Variants in PLXNA4 observed in about 807,000 individuals in gnomAD.
PLXNA4 encodes the protein plexin-A4.
A neutral mutation model predicts 191.8 loss-of-function variants in PLXNA4; 44 were observed. The ratio of observed to expected loss-of-function variants is 0.23; its 90% CI spans 0.18 to 0.29. The LOEUF (loss-of-function observed/expected upper bound fraction) is 0.29. PLXNA4 is among the 10% of genes least tolerant of loss of function. The pLI is 1.00. For synonymous variants in PLXNA4, 1,082 were observed against 1,009.5 expected, an observed-to-expected ratio of 1.07 and a Z score of -1.36; for missense variants, 1,800 against 2,488.8, an observed-to-expected ratio of 0.72 and a Z score of 5.89.
rs531099216 is a variant in PLXNA4 at position 132,489,354 on chromosome 7, C to T, written c.1309G>A (p.Ala437Thr). 18 of 1,605,798 alleles carry T rather than the reference C, an allele frequency of 1.1e-5. No individual in the cohort carries two copies. Among genetic ancestry groups the T allele is most frequent in the Admixed American group, 6.7e-5 (4 of 59,902 alleles). ...AGAGAGTGGTTCTTGTAGACATATG[C>T]GATGACAGACGTCATGCGGTCCCTG... Reference protein sequence around the residue: ...EDRDRMTSVIAYVYKNHSLAF... With the variant: ...EDRDRMTSVITYVYKNHSLAF... Residue 437 changes from alanine to threonine, a missense_variant, in exon 3 of 32, where the codon GCA becomes ACA. Around this residue, in one of 6 missense-constraint regions of PLXNA4, gnomAD observed 1,397 missense variants for 1,880.4 expected, o/e 0.74. Coordinates refer to ENST00000321063, the MANE Select transcript of PLXNA4 (RefSeq NM_020911.2).
intron 10 of PLXNA4, among the ~76,000 whole-genome samples, chr7:132,209,867 T>C (rs1327617278): frequency 6.6e-6 from 1 of 152,172 alleles, no homozygotes; most frequent in Non-Finnish European, 1.5e-5. Flanking sequence ...CCTCTGCCAC[T>C]CACTAGTTGT....
In PLXNA4 at chr7:132,227,463, T is replaced by C; in HGVS notation, c.1870A>G (p.Ile624Val). The part of the protein sequence containing the change: ...SPAAKEVPRI[I>V]TENGDHHVVQ... Reference sequence around the variant, plus strand: ...CCGGGATGCTCACCATTCTCTGTGATGATCCGGGGCACCTCCTTGGCTGCA... The same window carrying C: ...CCGGGATGCTCACCATTCTCTGTGACGATCCGGGGCACCTCCTTGGCTGCA... The change falls in exon 7 of 32, where the codon ATC becomes GTC. Residue 624 changes from isoleucine to valine, a missense_variant. Physicochemically the swap from Ile to Val is conservative, Grantham distance 29 (BLOSUM62 3). This residue lies in a region of PLXNA4 where 1,397 missense variants were observed against 1,880.4 expected (regional missense o/e 0.74). Transcript: ENST00000321063. The C allele has an allele frequency of 6.2e-7, 1 of 1,614,214 alleles. No homozygotes were observed. The highest frequency in any genetic ancestry group is 8.5e-7 in the Non-Finnish European group (1 of 1,180,036).
At chr7:132,629,919 C>T (rs904622687) in intron 2 of PLXNA4, among the ~76,000 whole-genome samples, 7 of 151,812 alleles carry the variant, frequency 4.6e-5, no homozygotes, top group Middle Eastern at 3.2e-3. Flanking sequence ...GCGCAATCTC[C>T]GCTCACTGCA....
intron 4 of PLXNA4, among the ~76,000 whole-genome samples, chr7:132,272,432 C>A (rs964769871): frequency 2.6e-5 from 4 of 152,176 alleles, no homozygotes; most frequent in African/African-American, 9.7e-5. Context: ...CAGTGGATCA[C>A]AAAAACTTCT....
At chr7:132,186,145 T>C (rs1796871729) in intron 15 of PLXNA4, among the ~76,000 whole-genome samples, 1 of 152,120 alleles carries the variant, frequency 6.6e-6, no homozygotes, top group African/African-American at 2.4e-5. Context: ...TGAGGGAGCT[T>C]CTCCAGCCAC....
intron 25 of PLXNA4, among the ~76,000 whole-genome samples, chr7:132,153,895 C>T (rs533767027): frequency 1.3e-5 from 2 of 152,144 alleles, no homozygotes; most frequent in African/African-American, 4.8e-5. Context: ...TTTGCAATAA[C>T]CCCACTTCCA....
chr7:132,310,974 C>T (rs932071666), intron 3 of PLXNA4, among the ~76,000 whole-genome samples: 2 of 152,164 alleles, frequency 1.3e-5, no homozygotes, highest in African/African-American at 4.8e-5. Context: ...CACTCCTCAT[C>T]CCCTTGGGAA....
intron 2 of PLXNA4, among the ~76,000 whole-genome samples, chr7:132,498,724 C>T (rs1798129855): frequency 6.6e-6 from 1 of 152,106 alleles, no homozygotes; most frequent in South Asian, 2.1e-4. Flanking sequence ...TATCATATGG[C>T]CCCAGTTCTC....
chr7:132,275,198 T>C lies in PLXNA4; in HGVS notation c.1503+22893A>G, dbSNP rs140421386. On this transcript the variant is annotated intron_variant, in intron 4 of 31. Coordinates refer to ENST00000321063, the MANE Select transcript of PLXNA4 (RefSeq NM_020911.2). ...TTTCTTCCACATTTAAAAATCTTGA[T>C]TTTGTCTTCTAATTGTTTAAAATCT... Among the ~76,000 whole-genome samples the C allele has an allele frequency of 7.1e-3, 1,077 of 152,294 alleles. 13 individuals carry two copies. The highest frequency in any genetic ancestry group is 0.025 in the African/African-American group (1,021 of 41,552).
chr7:132,586,705 A>G (rs1802512050), intron 2 of PLXNA4, among the ~76,000 whole-genome samples: 1 of 152,214 alleles, frequency 6.6e-6, no homozygotes, highest in African/African-American at 2.4e-5. Context: ...GTGAGCCGAG[A>G]TGGTGCCACT....
intron 26 of PLXNA4, 88 bp downstream of exon 26, chr7:132,148,455 G>C: frequency 1.3e-6 from 2 of 1,559,252 alleles, no homozygotes; most frequent in South Asian, 1.2e-5. Flanking sequence ...GAGGGGCTTG[G>C]TGTCTACCCC....
chr7:132,503,171 T>G (rs555457650), intron 2 of PLXNA4, among the ~76,000 whole-genome samples: 1 of 152,296 alleles, frequency 6.6e-6, no homozygotes, highest in Admixed American at 6.5e-5. Context: ...CAGCCATTGT[T>G]CCCATCACCC....
chr7:132,363,948 G>A (rs1804052143), intron 3 of PLXNA4, among the ~76,000 whole-genome samples: 1 of 152,280 alleles, frequency 6.6e-6, no homozygotes, highest in Admixed American at 6.5e-5. Flanking sequence ...CCAGGCTGTG[G>A]CTGGCAGGCT....
chr7:132,474,810 T>C (rs1448322620), intron 3 of PLXNA4, among the ~76,000 whole-genome samples: 3 of 152,302 alleles, frequency 2.0e-5, no homozygotes, highest in Non-Finnish European at 2.9e-5. Flanking sequence ...CTGAAGACTC[T>C]TCTTAGAAGT....
At chr7:132,406,942 G>A (rs972928283) in intron 3 of PLXNA4, among the ~76,000 whole-genome samples, 3 of 151,880 alleles carry the variant, frequency 2.0e-5, no homozygotes, top group Non-Finnish European at 4.4e-5. Context: ...AACTTTCTAG[G>A]CCTCATTTAC....
chr7:132,207,470 T>C (rs554361714), intron 10 of PLXNA4, among the ~76,000 whole-genome samples: 23 of 152,284 alleles, frequency 1.5e-4, no homozygotes, highest in Non-Finnish European at 2.9e-4. Context: ...TCCTAGAGCA[T>C]TGGTCTAAAG....
chr7:132,140,185 G>A (rs750392963), intron 30 of PLXNA4, among the ~76,000 whole-genome samples: 23 of 152,378 alleles, frequency 1.5e-4, no homozygotes, highest in East Asian at 7.7e-4. Context: ...CCAGCCAGAC[G>A]GTAGCAGATG....
intron 6 of PLXNA4, among the ~76,000 whole-genome samples, 166 bp downstream of exon 6, chr7:132,228,180 C>A (rs1050453616): frequency 6.6e-6 from 1 of 152,138 alleles, no homozygotes; most frequent in Admixed American, 6.5e-5. Flanking sequence ...CTTGCATCCC[C>A]CCGTAGACAC....
At chr7:132,227,427 C>G (rs1584871525) in intron 7 of PLXNA4, 24 bp downstream of exon 7, 2 of 1,613,886 alleles carry the variant, frequency 1.2e-6, no homozygotes, top group East Asian at 2.2e-5. Context: ...AAGTGCCACT[C>G]AGCTGTGCCT....
Sources: gnomAD v4.1 joint callset for allele counts (sites outside exome capture counted in the v4.1 genomes callset) on GRCh38, gnomAD v4.1.1 for gene constraint, gnomAD v4.1.1 regional missense constraint, MANE v1.5 for transcripts, NCBI Gene and HGNC (gene_info 2026-07-23, HGNC 2026-07-21) for gene names.